The following EPAS1 variants were observed in gnomAD, a reference collection of about 807,000 sequenced individuals.
EPAS1 encodes the protein endothelial PAS domain-containing protein 1.
A neutral mutation model predicts 87.9 loss-of-function variants in EPAS1; 23 were observed. The ratio of observed to expected loss-of-function variants is 0.26; its 90% confidence interval spans 0.19 to 0.37. EPAS1 has a LOEUF of 0.37. Among genes scored for constraint, EPAS1 ranks in the 10% least tolerant of loss-of-function variants. The probability of loss-of-function intolerance (pLI) is 1.00; values close to 1 mark genes in which losing one functional copy is unlikely to be tolerated. For synonymous variants in EPAS1, 508 were observed against 444.3 expected, an observed-to-expected ratio of 1.14 and a Z score of -1.80; for missense variants, 1,138 against 1,120.7, an observed-to-expected ratio of 1.02 and a Z score of -0.22.
intron 1 of EPAS1, among the ~76,000 whole-genome samples, chr2:46,342,130 A>C (rs1291595599): frequency 6.6e-6 from 1 of 152,152 alleles, no homozygotes; most frequent in Non-Finnish European, 1.5e-5. Flanking sequence ...ATCTCTGGGG[A>C]TAGAGCCCAG....
At chr2:46,317,933 C>G (rs979682828) in intron 1 of EPAS1, among the ~76,000 whole-genome samples, 5 of 152,218 alleles carry the variant, frequency 3.3e-5, no homozygotes, top group African/African-American at 7.2e-5. Context: ...TTACCTTGCT[C>G]TGCCTTCCTA....
intron 2 of EPAS1, among the ~76,000 whole-genome samples, chr2:46,353,747 C>G (rs1034494765): frequency 3.2e-4 from 48 of 152,218 alleles, no homozygotes; most frequent in Non-Finnish European, 1.6e-4. Context: ...AAACCCCAAG[C>G]AGGGATCAGG....
rs1000131501 is a variant in EPAS1, at chr2:46,297,706, C to T, written c.-206C>T. ...CCCCGCCTCCGCGCGCAGGTTCCTC[C>T]CAGTCACCTTTCTCCACCCCCGCCC... is the stretch of plus-strand genomic sequence containing the variant. On this transcript the variant is annotated 5_prime_UTR_variant, in exon 1 of 16. Coordinates refer to ENST00000263734, the MANE Select transcript of EPAS1 (RefSeq NM_001430.5). The T allele has an allele frequency of 2.2e-5, 13 of 600,140 alleles. No homozygotes were observed. Among genetic ancestry groups the T allele is most frequent in the South Asian group, 4.0e-5 (2 of 49,620 alleles). 37.2% of individuals were successfully genotyped at this position (600,140 alleles called of 1,614,324 possible). A position where few individuals can be genotyped will look rare whatever the true frequency, so the allele number is the denominator to read the frequency against.
intron 2 of EPAS1, among the ~76,000 whole-genome samples, chr2:46,352,824 AC>A (rs1684196999): frequency 6.6e-6 from 1 of 152,020 alleles, no homozygotes. Context: ...ACATTCTGTT[AC>A]CCTTCGTGGC....
At chr2:46,369,280 G>C (rs1684572092) in intron 6 of EPAS1, among the ~76,000 whole-genome samples, 1 of 152,146 alleles carries the variant, frequency 6.6e-6, no homozygotes, top group Non-Finnish European at 1.5e-5. Flanking sequence ...CTGCCTGCCT[G>C]GACTCCCTCT....
chr2:46,335,090 G>A (rs183895955), intron 1 of EPAS1, among the ~76,000 whole-genome samples: 135 of 152,210 alleles, frequency 8.9e-4, no homozygotes, highest in African/African-American at 3.1e-3. Context: ...GAGGGGAGAA[G>A]GGGTTATGAG....
chr2:46,350,384 T>C lies in EPAS1; in HGVS notation c.217+3321T>C, dbSNP rs183961824. On this transcript the variant is annotated intron_variant, in intron 2 of 15. Coordinates refer to ENST00000263734, the MANE Select transcript of EPAS1 (RefSeq NM_001430.5). ...AGGTTTTTCTTTAGAAAAGTTTCTC[T>C]TTACTTAGTAACACGTTTCCCTTTG... is the stretch of plus-strand genomic sequence containing the variant. Among the ~76,000 whole-genome samples the C allele has an allele frequency of 4.6e-5, 7 of 152,354 alleles. No individual in the cohort carries two copies. The East Asian group carries it at 1.2e-3, about 25-fold the overall frequency.
At chr2:46,376,481 G>A (rs1684750181) in intron 8 of EPAS1, 58 bp from the exon 9 acceptor site, 5 of 1,573,594 alleles carry the variant, frequency 3.2e-6, no homozygotes, top group African/African-American at 2.7e-5. Context: ...TGCATCTAGG[G>A]GAGCAGAATT....
intron 1 of EPAS1, among the ~76,000 whole-genome samples, chr2:46,314,772 G>T (rs2104844606): frequency 6.6e-6 from 1 of 152,344 alleles, no homozygotes; most frequent in East Asian, 1.9e-4. Flanking sequence ...CCAAGAGGAG[G>T]TTCTGTTGGA....
At chr2:46,339,106 T>C (rs954246972) in intron 1 of EPAS1, among the ~76,000 whole-genome samples, 1 of 152,232 alleles carries the variant, frequency 6.6e-6, no homozygotes, top group Non-Finnish European at 1.5e-5. Context: ...TGCATTGTGG[T>C]TCAGCCACAT....
intron 1 of EPAS1, among the ~76,000 whole-genome samples, chr2:46,341,957 A>C (rs1339121783): frequency 6.6e-6 from 1 of 152,100 alleles, no homozygotes; most frequent in African/African-American, 2.4e-5. Flanking sequence ...AAAAACATTT[A>C]AGTCCAACCC....
At chr2:46,316,294 C>T (rs769533985) in intron 1 of EPAS1, among the ~76,000 whole-genome samples, 13 of 151,518 alleles carry the variant, frequency 8.6e-5, no homozygotes, top group Non-Finnish European at 1.3e-4. Flanking sequence ...AGTTTCACTC[C>T]GTTGCACAGA....
chr2:46,356,156 T>C lies in EPAS1; in HGVS notation c.223T>C (p.Ser75Pro). 1 of 1,196,890 alleles carries C rather than the reference T, an allele frequency of 8.4e-7. No individual in the cohort carries two copies. The highest frequency in any genetic ancestry group is 1.2e-6 in the Non-Finnish European group (1 of 838,286). The allele number at this position is 1,196,890 out of a possible 1,614,324, so 74.1% of individuals were successfully genotyped here. Residue 75 changes from serine to proline, a missense_variant, in exon 3 of 16, where the codon TCT (serine) becomes CCT (proline). Physicochemically the swap from Ser to Pro is moderately conservative, Grantham distance 74. Transcript: ENST00000263734. ...RTHKLLSSVC[S>P]ENESEAEADQ... ...CCACCCCCCCCCCTTTCCAGTTTGC[T>C]CTGAAAACGAGTCCGAAGCCGAAGC... is the stretch of plus-strand genomic sequence containing the variant.
Position 46,381,619 on chromosome 2 carries a change from G to A in EPAS1, c.2069G>A (p.Arg690Gln), listed in dbSNP as rs1021730994. The A allele has an allele frequency of 3.7e-6, 6 of 1,613,964 alleles. No homozygotes were observed. Among genetic ancestry groups the A allele is most frequent in the Admixed American group, 1.7e-5 (1 of 60,026 alleles). The change falls in exon 13 of 16, where the codon CGA becomes CAA. Residue 690 changes from arginine (R) to glutamine (Q), a missense_variant. Physicochemically the swap from Arg to Gln is conservative, Grantham distance 43. Around this residue, in one of 4 missense-constraint regions of EPAS1, gnomAD observed 502 missense variants for 427.1 expected, o/e 1.18. Coordinates refer to ENST00000263734, the MANE Select transcript of EPAS1 (RefSeq NM_001430.5). The part of the protein sequence containing the change: ...KTRSAKGFGA[R>Q]GPDVLSPAMV... ...AGGTCTGCAAAGGGTTTTGGGGCTC[G>A]AGGCCCAGACGTGCTGAGTCCGGCC...
At chr2:46,335,066 C>CT (rs1683761294) in intron 1 of EPAS1, among the ~76,000 whole-genome samples, 1 of 151,914 alleles carries the variant, frequency 6.6e-6, no homozygotes, top group African/African-American at 2.4e-5. Flanking sequence ...CTTTGCTTTC[C>CT]TTTTTTTAAT....
chr2:46,361,968 C>T lies in EPAS1; in HGVS notation c.779+878C>T, dbSNP rs557016309. Among the ~76,000 whole-genome samples the T allele has an allele frequency of 2.6e-4, 39 of 152,230 alleles. 2 individuals carry two copies. The South Asian group carries it at 7.0e-3, about 27-fold the overall frequency. On this transcript the variant is annotated intron_variant, in intron 6 of 15. Transcript: ENST00000263734. ...GAGGAAGATGGGGAGAACAGATGCC[C>T]GGAGCAATGGCCGGCCCCAGGGAGG...
intron 1 of EPAS1, among the ~76,000 whole-genome samples, chr2:46,339,998 G>C (rs1440211476): frequency 1.3e-5 from 2 of 152,186 alleles, no homozygotes; most frequent in Non-Finnish European, 2.9e-5. Context: ...ATTTTGAGGG[G>C]ACGTAAACAT....
chr2:46,299,020 G>C (rs902014368), intron 1 of EPAS1, among the ~76,000 whole-genome samples: 2 of 152,244 alleles, frequency 1.3e-5, no homozygotes, highest in African/African-American at 4.8e-5. Context: ...CGGCTGAACC[G>C]CCTGAGCCGC....
At chr2:46,353,539 A>G (rs1014850149) in intron 2 of EPAS1, among the ~76,000 whole-genome samples, 1 of 152,208 alleles carries the variant, frequency 6.6e-6, no homozygotes, top group African/African-American at 2.4e-5. Context: ...TGTTTCTTTC[A>G]GCCTGGCCTA....
Sources: gnomAD v4.1 joint callset for allele counts (sites outside exome capture counted in the v4.1 genomes callset) on GRCh38, gnomAD v4.1.1 for gene constraint, gnomAD v4.1.1 regional missense constraint, MANE v1.5 for transcripts, NCBI Gene and HGNC (gene_info 2026-07-23, HGNC 2026-07-21) for gene names.